The following AQP2 variants were observed in gnomAD, a reference collection of about 807,000 sequenced individuals.
AQP2 encodes the protein aquaporin-2.
In AQP2, 20 loss-of-function variants were observed where a neutral mutation model predicts 21.6. The ratio of observed to expected loss-of-function variants is 0.92; its 90% CI spans 0.65 to 1.34. The LOEUF is 1.34. AQP2 is among the 40% of genes most tolerant of loss of function. The probability of loss-of-function intolerance (pLI) is 0.00; values close to 1 mark genes in which losing one functional copy is unlikely to be tolerated. For missense variants in AQP2, 325 were observed against 363.4 expected, an observed-to-expected ratio of 0.89 and a Z score of 0.86; for synonymous variants, 168 against 166.9, an observed-to-expected ratio of 1.01 and a Z score of -0.05.
intron 1 of AQP2, among the ~76,000 whole-genome samples, chr12:49,953,764 A>G (rs935331592): frequency 2.6e-5 from 4 of 152,228 alleles, no homozygotes; most frequent in Non-Finnish European, 5.9e-5. Context: ...AGACAGAGGA[A>G]GGTCTTCCTG....
In AQP2 at chr12:49,950,894, CT is replaced by C; in HGVS notation, c.65del (p.Leu22ProfsTer41). 1 of 1,614,028 alleles carries C rather than the reference CT, an allele frequency of 6.2e-7. No individual in the cohort carries two copies. Among genetic ancestry groups the C allele is most frequent in the Non-Finnish European group, 8.5e-7 (1 of 1,179,854 alleles). ...AVFAEFLATLLFVFFGLGSAL... is the reference protein window; with the variant it reads ...AVFAEFLATLXFVFFGLGSAL... The stretch of plus-strand genomic sequence containing the variant: ...GTTCGCAGAGTTCCTGGCCACACTC[CT>C]CTTCGTCTTCTTTGGCCTCGGCTCT... On this transcript the variant is annotated frameshift_variant, in exon 1 of 4. Transcript: ENST00000199280. LOFTEE classifies it high-confidence loss of function.
chr12:49,955,326 G>T, intron 3 of AQP2, 73 bp from the exon 4 acceptor site: 1 of 1,472,672 alleles, frequency 6.8e-7, no homozygotes, highest in East Asian at 2.4e-5. Context: ...CGCAGAGTGT[G>T]CCGCCGGGGC....
Position 49,955,546 on chromosome 12 carries a change from C to A in AQP2, c.754C>A (p.Arg252=). 1 of 1,606,918 alleles carries A rather than the reference C, an allele frequency of 6.2e-7. No homozygotes were observed. The highest frequency in any genetic ancestry group is 1.1e-5 in the South Asian group (1 of 90,458). ...PDTDWEEREV[R]RRQSVELHSP... ...CACCGATTGGGAGGAGCGCGAGGTG[C>A]GACGGCGGCAGTCGGTGGAGCTGCA... Residue 252 remains arginine (R), a synonymous_variant, in exon 4 of 4, where the codon CGA becomes AGA. Coordinates refer to ENST00000199280, the MANE Select transcript of AQP2 (RefSeq NM_000486.6).
In AQP2 at chr12:49,955,410, C is replaced by G; in HGVS notation, c.618C>G (p.Ile206Met). ...CCGCTCGCCCCCAGGTCTTCTGGAT[C>G]GGACCCCTGGTGGGCGCCATCCTGG... ...GKFDDHWVFW[I>M]GPLVGAILGS... is the part of the protein sequence containing the mutation. Residue 206 changes from isoleucine (I) to methionine (M), a missense_variant, in exon 4 of 4, where the codon ATC becomes ATG. By Grantham distance (10) the Ile-to-Met change is conservative (BLOSUM62 1). Coordinates refer to ENST00000199280, the MANE Select transcript of AQP2 (RefSeq NM_000486.6). The G allele has an allele frequency of 6.2e-7, 1 of 1,612,472 alleles. No individual in the cohort carries two copies. Among genetic ancestry groups the G allele is most frequent in the Non-Finnish European group, 8.5e-7 (1 of 1,179,704 alleles).
rs977299906 is a variant in AQP2 at position 49,958,079 on chromosome 12, G to A, written c.*2471G>A. 1.3e-5 allele frequency: 2 copies of A among 152,222 alleles called. No individual in the cohort carries two copies. Among genetic ancestry groups the A allele is most frequent in the African/African-American group, 4.8e-5 (2 of 41,458 alleles). The allele number at this position is 152,222 out of a possible 1,614,324, so 9.4% of individuals were successfully genotyped here. On this transcript the variant is annotated 3_prime_UTR_variant, in exon 4 of 4. Transcript: ENST00000199280. ...TGGCATCTCTTGTGTACCAGCTGCT[G>A]TGCTGGGTGCCTTGCATGCACGGAC...
In AQP2 at chr12:49,956,427, T is replaced by G. The variant is rs566213196; in HGVS notation, c.*819T>G. 1.3e-5 allele frequency: 2 copies of G among 152,254 alleles called. No individual in the cohort carries two copies. The highest frequency in any genetic ancestry group is 4.8e-5 in the African/African-American group (2 of 41,528). The allele number at this position is 152,254 out of a possible 1,614,324, so 9.4% of individuals were successfully genotyped here. On this transcript the variant is annotated 3_prime_UTR_variant, in exon 4 of 4. Transcript: ENST00000199280. ...AAGGAAATCTTTGGTGGCCAAAGAT[T>G]TCCTTTCTGTGGTGAGGGAGAACCT...
At chr12:49,953,734 A>C (rs1424695455) in intron 1 of AQP2, among the ~76,000 whole-genome samples, 4 of 152,216 alleles carry the variant, frequency 2.6e-5, no homozygotes, top group Non-Finnish European at 5.9e-5. Flanking sequence ...CTCTCATTGC[A>C]CCAAGGTCTG....
intron 1 of AQP2, among the ~76,000 whole-genome samples, chr12:49,953,273 G>T (rs1420421946): frequency 1.3e-5 from 2 of 152,242 alleles, no homozygotes; most frequent in Non-Finnish European, 2.9e-5. Flanking sequence ...TCAGGGCCTG[G>T]AGAAAGAGCG....
In AQP2 at chr12:49,958,247, G is replaced by C. The variant is rs1049265944; in HGVS notation, c.*2639G>C. 6.6e-6 allele frequency: 1 copy of C among 152,218 alleles called. No homozygotes were observed. Among genetic ancestry groups the C allele is most frequent in the Non-Finnish European group, 1.5e-5 (1 of 68,042 alleles). The allele number at this position is 152,218 out of a possible 1,614,324, so 9.4% of individuals were successfully genotyped here. On this transcript the variant is annotated 3_prime_UTR_variant, in exon 4 of 4. Transcript: ENST00000199280. Reference sequence around the variant, plus strand: ...CCGTGACAAAGGTAGAGCAAATATTGTTCTTCCCATTTTACAGATTCAGAA... The same window carrying C: ...CCGTGACAAAGGTAGAGCAAATATTCTTCTTCCCATTTTACAGATTCAGAA...
At chr12:49,955,328 C>G in intron 3 of AQP2, 71 bp from the exon 4 acceptor site, 2 of 1,485,192 alleles carry the variant, frequency 1.3e-6, no homozygotes, top group South Asian at 1.2e-5. Context: ...CAGAGTGTGC[C>G]GCCGGGGCCT....
rs748337255 is a variant in AQP2, at chr12:49,950,839, G to A, written c.9G>A (p.Glu3=). The change falls in exon 1 of 4, where the codon GAG becomes GAA. Residue 3 remains glutamate (E), a synonymous_variant. Transcript: ENST00000199280. MW[E]LRSIAFSRAV... Reference sequence around the variant, plus strand: ...CCGCAGGGCTCTGCAGCATGTGGGAGCTCCGCTCCATAGCCTTCTCCAGGG... The same window carrying A: ...CCGCAGGGCTCTGCAGCATGTGGGAACTCCGCTCCATAGCCTTCTCCAGGG... 9.9e-6 allele frequency: 16 copies of A among 1,611,964 alleles called. No homozygotes were observed. Among genetic ancestry groups the A allele is most frequent in the Admixed American group, 8.3e-5 (5 of 60,016 alleles).
In AQP2 at chr12:49,955,524, C is replaced by A. The variant is rs1200428217; in HGVS notation, c.732C>A (p.Thr244=). 6.2e-7 allele frequency: 1 copy of A among 1,611,842 alleles called. No homozygotes were observed. The highest frequency in any genetic ancestry group is 1.3e-5 in the African/African-American group (1 of 75,032). The change falls in exon 4 of 4, where the codon ACC becomes ACA. Residue 244 remains threonine (T), a synonymous_variant. Transcript: ENST00000199280. The part of the protein sequence containing the change: ...LAVLKGLEPD[T]DWEEREVRRR... ...TGCTGAAGGGCCTGGAGCCGGACAC[C>A]GATTGGGAGGAGCGCGAGGTGCGAC...
In AQP2 at chr12:49,957,680, T is replaced by A. The variant is rs547970390; in HGVS notation, c.*2072T>A. Reference sequence around the variant, plus strand: ...GGAGAGGACTCTCCCAAACCCCCAATAGCTAGTGACAGCCACTTGGCCTCA... The same window carrying A: ...GGAGAGGACTCTCCCAAACCCCCAAAAGCTAGTGACAGCCACTTGGCCTCA... On this transcript the variant is annotated 3_prime_UTR_variant, in exon 4 of 4. Transcript: ENST00000199280. 1 of 152,230 alleles carries A rather than the reference T, an allele frequency of 6.6e-6. No individual in the cohort carries two copies. The highest frequency in any genetic ancestry group is 1.5e-5 in the Non-Finnish European group (1 of 68,032). The allele number at this position is 152,230 out of a possible 1,614,324, so 9.4% of individuals were successfully genotyped here.
Position 49,950,755 on chromosome 12 carries a change from C to A in AQP2, c.-76C>A. ...TCCCCAGAGGCCTTGAGAAAGAGAG[C>A]GATAGAGTGCGAGAGCGAGTGCCCG... On this transcript the variant is annotated 5_prime_UTR_variant, in exon 1 of 4. Transcript: ENST00000199280. 6.4e-7 allele frequency: 1 copy of A among 1,551,082 alleles called. No homozygotes were observed. Among genetic ancestry groups the A allele is most frequent in the South Asian group, 1.2e-5 (1 of 85,744 alleles).
Position 49,955,419 on chromosome 12 carries a change from G to C in AQP2, c.627G>C (p.Leu209=). ...DDHWVFWIGP[L]VGAILGSLLY... is the part of the protein sequence containing the mutation. The stretch of plus-strand genomic sequence containing the variant: ...CCCAGGTCTTCTGGATCGGACCCCT[G>C]GTGGGCGCCATCCTGGGCTCCCTCC... The change falls in exon 4 of 4, where the codon CTG becomes CTC. Residue 209 remains leucine (L), a synonymous_variant. Coordinates refer to ENST00000199280, the MANE Select transcript of AQP2 (RefSeq NM_000486.6). 5 of 1,612,640 alleles carry C rather than the reference G, an allele frequency of 3.1e-6. No individual in the cohort carries two copies. The highest frequency in any genetic ancestry group is 4.2e-6 in the Non-Finnish European group (5 of 1,179,744).
At chr12:49,952,127 C>CTTTGT (rs1565635957) in intron 1 of AQP2, 1 of 152,328 alleles carries the variant, frequency 6.6e-6, no homozygotes, top group Non-Finnish European at 1.5e-5. Flanking sequence ...AACTTCTCTG[C>CTTTGT]TTTGTTTTGT....
At position 49,958,307 on chromosome 12, in the gene AQP2, G is replaced by A. The variant is rs2137152034; in HGVS notation, c.*2699G>A. Reference sequence around the variant, plus strand: ...AAGGGACTGGTCTAAAGTCTCACAGGTAGTATATGGTGGAGCCAACACTTG... The same window carrying A: ...AAGGGACTGGTCTAAAGTCTCACAGATAGTATATGGTGGAGCCAACACTTG... On this transcript the variant is annotated 3_prime_UTR_variant, in exon 4 of 4. Coordinates refer to ENST00000199280, the MANE Select transcript of AQP2 (RefSeq NM_000486.6). The A allele has an allele frequency of 6.6e-6, 1 of 152,350 alleles. No homozygotes were observed. Among genetic ancestry groups the A allele is most frequent in the Non-Finnish European group, 1.5e-5 (1 of 68,048 alleles). 9.4% of individuals were successfully genotyped at this position (152,350 alleles called of 1,614,324 possible). A position where few individuals can be genotyped will look rare whatever the true frequency, so the allele number is the denominator to read the frequency against.
chr12:49,955,417 C>G lies in AQP2; in HGVS notation c.625C>G (p.Leu209Val), dbSNP rs1555165381. The G allele has an allele frequency of 1.5e-5, 24 of 1,612,616 alleles. 1 individual carries two copies. The South Asian group carries it at 2.6e-4, about 18-fold the overall frequency. ...CCCCCAGGTCTTCTGGATCGGACCC[C>G]TGGTGGGCGCCATCCTGGGCTCCCT... ...DDHWVFWIGPLVGAILGSLLY... is the reference protein window; with the variant it reads ...DDHWVFWIGPVVGAILGSLLY... Residue 209 changes from leucine (L) to valine (V), a missense_variant, in exon 4 of 4, where the codon CTG becomes GTG. Physicochemically the swap from Leu to Val is conservative, Grantham distance 32 (BLOSUM62 1). Coordinates refer to ENST00000199280, the MANE Select transcript of AQP2 (RefSeq NM_000486.6).
Position 49,955,603 on chromosome 12 carries a change from G to C in AQP2, c.811G>C (p.Ala271Pro), listed in dbSNP as rs1463809647. ...SPQSLPRGTKA is the reference protein window; with the variant it reads ...SPQSLPRGTKP ...GCAGAGCCTGCCACGGGGTACCAAG[G>C]CCTGAGGGCCGCCAGCGGCCTCTAC... is the stretch of plus-strand genomic sequence containing the variant. Residue 271 changes from alanine (A) to proline (P), a missense_variant, in exon 4 of 4, where the codon GCC becomes CCC. Coordinates refer to ENST00000199280, the MANE Select transcript of AQP2 (RefSeq NM_000486.6). 2.6e-6 allele frequency: 4 copies of C among 1,561,206 alleles called. No individual in the cohort carries two copies. In the Admixed American group the frequency reaches 5.6e-5, roughly 22 times the overall value.
Sources: gnomAD v4.1 joint callset for allele counts (sites outside exome capture counted in the v4.1 genomes callset) on GRCh38, gnomAD v4.1.1 for gene constraint, MANE v1.5 for transcripts, NCBI Gene and HGNC (gene_info 2026-07-23, HGNC 2026-07-21) for gene names.